The following EFCAB13 variants were observed in gnomAD, a reference collection of about 807,000 sequenced individuals.
The protein encoded by EFCAB13 is EF-hand calcium binding domain 13, also known as EF-hand calcium-binding domain-containing protein 13.
EFCAB13 carries 91 observed loss-of-function variants against 110.2 expected under a neutral mutation model. The observed-to-expected ratio is 0.83, with a 90% CI of 0.70 to 0.98. The LOEUF (loss-of-function observed/expected upper bound fraction) is 0.98, where lower values mean the gene tolerates loss of function less well. Ranked by LOEUF, EFCAB13 falls within the 50% of genes least tolerant of loss-of-function variation. The probability of loss-of-function intolerance (pLI) is 0.00; values close to 1 mark genes in which losing one functional copy is unlikely to be tolerated. For missense variants in EFCAB13, 968 were observed against 1,119.4 expected, an observed-to-expected ratio of 0.86 and a Z score of 1.93; for synonymous variants, 323 against 369.9, an observed-to-expected ratio of 0.87 and a Z score of 1.45.
intron 17 of EFCAB13, among the ~76,000 whole-genome samples, chr17:47,397,611 G>A (rs372343405): frequency 2.1e-4 from 31 of 151,170 alleles, no homozygotes; most frequent in African/African-American, 6.8e-4. Context: ...AGTGAGGAGC[G>A]TCTCTGCCCG....
chr17:47,345,011 G>A lies in EFCAB13; in HGVS notation c.435-5G>A, dbSNP rs1236517558. 1.3e-6 allele frequency: 2 copies of A among 1,597,044 alleles called. No homozygotes were observed. Among genetic ancestry groups the A allele is most frequent in the African/African-American group, 1.4e-5 (1 of 73,942 alleles). ...CACTTTCTAATATGGCTGTTTCTTT[G>A]ACAGGGAAAAGGAAATGCTGTCTAA... On this transcript the variant is annotated splice_polypyrimidine_tract_variant and splice_region_variant and intron_variant, in intron 7 of 24. Coordinates refer to ENST00000331493, the MANE Select transcript of EFCAB13 (RefSeq NM_152347.5).
intron 8 of EFCAB13, among the ~76,000 whole-genome samples, chr17:47,346,067 CA>C (rs2065413940): frequency 6.7e-6 from 1 of 150,130 alleles, no homozygotes; most frequent in Non-Finnish European, 1.5e-5. Flanking sequence ...AAATATTTAA[CA>C]TGAGATCTAC....
intron 23 of EFCAB13, among the ~76,000 whole-genome samples, chr17:47,420,891 G>T (rs866754673): frequency 1.8e-5 from 2 of 110,130 alleles, no homozygotes; most frequent in South Asian, 3.1e-4. Flanking sequence ...CCGGCCAGCC[G>T]CCCCGTCTGG....
At chr17:47,390,051 C>T (rs1031674974) in intron 14 of EFCAB13, among the ~76,000 whole-genome samples, 1 of 152,096 alleles carries the variant, frequency 6.6e-6, no homozygotes, top group African/African-American at 2.4e-5. Context: ...TTTAGAAAGC[C>T]ATAATGATTT....
chr17:47,374,647 G>T lies in EFCAB13; in HGVS notation c.1053G>T (p.Glu351Asp), dbSNP rs2065603894. Residue 351 changes from glutamate to aspartate, a missense_variant, in exon 12 of 25, where the codon GAG becomes GAT. Transcript: ENST00000331493. ...KSNQYYSKIM[E>D]NDDLESKRPK... ...ACCAATATTATAGCAAAATTATGGA[G>T]AATGATGACCTTGAATCTAAAAGAC... 6.2e-7 allele frequency: 1 copy of T among 1,607,422 alleles called. No individual in the cohort carries two copies. The highest frequency in any genetic ancestry group is 1.3e-5 in the African/African-American group (1 of 74,276).
intron 10 of EFCAB13, among the ~76,000 whole-genome samples, chr17:47,367,439 C>G (rs1335124442): frequency 1.3e-5 from 2 of 152,206 alleles, no homozygotes; most frequent in East Asian, 3.8e-4. Context: ...CCTGGCTTGC[C>G]CCACCCCGCC....
chr17:47,340,265 C>G (rs1409463306), intron 5 of EFCAB13, among the ~76,000 whole-genome samples: 4 of 149,422 alleles, frequency 2.7e-5, no homozygotes, highest in South Asian at 2.1e-4. Context: ...CTGTCTATAT[C>G]TTGCCTTTCT....
chr17:47,363,182 C>T (rs1471360129), intron 10 of EFCAB13, among the ~76,000 whole-genome samples: 1 of 152,150 alleles, frequency 6.6e-6, no homozygotes, highest in African/African-American at 2.4e-5. Context: ...ATAATCCTCC[C>T]ACCTCATCTT....
intron 14 of EFCAB13, among the ~76,000 whole-genome samples, chr17:47,381,575 A>G (rs1326847060): frequency 6.6e-6 from 1 of 152,194 alleles, no homozygotes; most frequent in Non-Finnish European, 1.5e-5. Context: ...GCATATGGGT[A>G]GCCAGTTTTC....
intron 8 of EFCAB13, among the ~76,000 whole-genome samples, chr17:47,346,454 A>G (rs2065417282): frequency 9.6e-6 from 1 of 103,734 alleles, no homozygotes; most frequent in Non-Finnish European, 1.8e-5. Context: ...CATTTATCTG[A>G]CATTTAGGTT....
intron 5 of EFCAB13, among the ~76,000 whole-genome samples, chr17:47,337,952 G>A (rs1045075051): frequency 6.6e-6 from 1 of 152,172 alleles, no homozygotes; most frequent in African/African-American, 2.4e-5. Flanking sequence ...TAATTGCTTA[G>A]CTCAAGGGGA....
At chr17:47,384,945 A>AT (rs1334959782) in intron 14 of EFCAB13, among the ~76,000 whole-genome samples, 2 of 151,708 alleles carry the variant, frequency 1.3e-5, no homozygotes, top group African/African-American at 2.4e-5. Context: ...AATTTTTTGT[A>AT]TTTTTTTAGT....
intron 17 of EFCAB13, among the ~76,000 whole-genome samples, chr17:47,398,064 G>A (rs1457599150): frequency 7.1e-6 from 1 of 141,590 alleles, no homozygotes; most frequent in Non-Finnish European, 1.5e-5. Flanking sequence ...GAGGGAGGTT[G>A]GGGGGTCAGC....
chr17:47,326,022 A>G (rs997895592), intron 2 of EFCAB13, among the ~76,000 whole-genome samples: 4 of 148,522 alleles, frequency 2.7e-5, no homozygotes, highest in Middle Eastern at 7.0e-3. Context: ...CCTAGTGCAC[A>G]CTAAGCATGC....
intron 21 of EFCAB13, among the ~76,000 whole-genome samples, chr17:47,411,149 TTTG>T (rs1253818375): frequency 2.0e-5 from 3 of 152,182 alleles, no homozygotes; most frequent in African/African-American, 7.2e-5. Flanking sequence ...TTCCAAATCT[TTTG>T]TTGTTAACTC....
chr17:47,436,746 AT>A (rs907456085), intron 24 of EFCAB13, among the ~76,000 whole-genome samples: 152 of 128,682 alleles, frequency 1.2e-3, no homozygotes, highest in Middle Eastern at 4.1e-3. Flanking sequence ...TATCTTTTGT[AT>A]TTTTTTTTTT....
intron 17 of EFCAB13, among the ~76,000 whole-genome samples, chr17:47,400,917 G>T (rs1313946732): frequency 6.6e-6 from 1 of 152,136 alleles, no homozygotes; most frequent in African/African-American, 2.4e-5. Context: ...TAACCTTGTT[G>T]ACTGATGTGA....
chr17:47,368,402 G>A (rs2065561124), intron 10 of EFCAB13, among the ~76,000 whole-genome samples: 1 of 152,180 alleles, frequency 6.6e-6, no homozygotes, highest in Admixed American at 6.5e-5. Context: ...ATTCAGAAAG[G>A]AGCAGACTGT....
intron 14 of EFCAB13, among the ~76,000 whole-genome samples, chr17:47,383,920 G>A (rs374763118): frequency 3.2e-4 from 48 of 152,200 alleles, no homozygotes; most frequent in East Asian, 1.2e-3. Flanking sequence ...TTGAGCTGTC[G>A]ACTATTGATA....
Sources: gnomAD v4.1 joint callset for allele counts (sites outside exome capture counted in the v4.1 genomes callset) on GRCh38, gnomAD v4.1.1 for gene constraint, MANE v1.5 for transcripts, NCBI Gene and HGNC (gene_info 2026-07-23, HGNC 2026-07-21) for gene names.